Variants in ANO2 observed in about 807,000 individuals in gnomAD.
ANO2 encodes the protein anoctamin-2.
Under a neutral mutation model 124.2 loss-of-function variants are expected in ANO2, and 101 were observed. The ratio of observed to expected loss-of-function variants is 0.81; its 90% CI spans 0.69 to 0.96. ANO2 has a LOEUF of 0.96. Ranked by LOEUF, ANO2 falls within the 40% of genes least tolerant of loss-of-function variation. ANO2 has a pLI of 0.00. For synonymous variants in ANO2, 486 were observed against 482.5 expected (o/e 1.01, Z -0.09); for missense variants, 1,293 against 1,274.5 (o/e 1.01, Z -0.22).
intron 10 of ANO2, among the ~76,000 whole-genome samples, chr12:5,776,817 G>A (rs1952245164): frequency 6.6e-6 from 1 of 152,218 alleles, no homozygotes; most frequent in South Asian, 2.1e-4. Flanking sequence ...AGCAGAACTT[G>A]AGGGTTAAGT....
intron 3 of ANO2, among the ~76,000 whole-genome samples, chr12:5,902,024 C>T (rs189715386): frequency 7.8e-4 from 119 of 152,254 alleles, no homozygotes; most frequent in African/African-American, 2.7e-3. Context: ...ACTGCATGAG[C>T]GAGCAAAAGA....
At chr12:5,754,629 G>C (rs1951525807) in intron 10 of ANO2, among the ~76,000 whole-genome samples, 1 of 151,880 alleles carries the variant, frequency 6.6e-6, no homozygotes, top group African/African-American at 2.4e-5. Context: ...ATTTGTCATT[G>C]GTCTGTACAG....
At chr12:5,811,594 C>G (rs1953391668) in intron 7 of ANO2, among the ~76,000 whole-genome samples, 1 of 152,176 alleles carries the variant, frequency 6.6e-6, no homozygotes. Flanking sequence ...CATAAAAAAG[C>G]AACAATAACT....
chr12:5,843,791 C>T lies in ANO2; in HGVS notation c.633+10252G>A, dbSNP rs573177405. The stretch of plus-strand genomic sequence containing the variant: ...ACTCTGCTAGGGATCACAACCCAAA[C>T]AAGATGCTGGGCAGAGGAAGCATCA... On this transcript the variant is annotated intron_variant, in intron 4 of 24. Transcript: ENST00000682330. Among the ~76,000 whole-genome samples the T allele has an allele frequency of 1.5e-4, 23 of 152,296 alleles. No individual in the cohort carries two copies. The South Asian group carries it at 4.6e-3, about 30-fold the overall frequency.
chr12:5,837,216 AGGAGTGCAGCAACCACG>A (rs1954348823), intron 4 of ANO2, among the ~76,000 whole-genome samples: 2 of 149,584 alleles, frequency 1.3e-5, no homozygotes, highest in African/African-American at 4.9e-5. Flanking sequence ...CCACGGGGCC[AGGAGTGCAGCAACCACG>A]GGGCCAGGAG....
chr12:5,584,591 A>G (rs1215723934), intron 20 of ANO2, among the ~76,000 whole-genome samples: 1 of 152,206 alleles, frequency 6.6e-6, no homozygotes, highest in African/African-American at 2.4e-5. Context: ...ATGTAAGAGC[A>G]CAGCAGGGGA....
At chr12:5,822,745 G>A (rs1215994971) in intron 7 of ANO2, among the ~76,000 whole-genome samples, 2 of 152,188 alleles carry the variant, frequency 1.3e-5, no homozygotes, top group South Asian at 2.1e-4. Flanking sequence ...TATCCTGTAC[G>A]CAATGCTTCT....
chr12:5,587,902 C>T (rs187142977), intron 20 of ANO2, among the ~76,000 whole-genome samples: 8 of 152,262 alleles, frequency 5.3e-5, no homozygotes, highest in Admixed American at 4.6e-4. Flanking sequence ...GCCCAGGTTC[C>T]AGTTCAATTT....
intron 3 of ANO2, among the ~76,000 whole-genome samples, chr12:5,872,232 A>G (rs1937747637): frequency 1.3e-5 from 2 of 152,146 alleles, no homozygotes; most frequent in Admixed American, 1.3e-4. Flanking sequence ...TGTCCTGGGC[A>G]TCCAGAGAGC....
In ANO2 at chr12:5,908,486, GAA is replaced by G. The variant is rs1486501079; in HGVS notation, c.534+12552_534+12553del. ...ACTGCCCAGGGTGCTGGGCTGGACA[GAA>G]AGTCCAACTGCTGGCCACAGTGGAG... On this transcript the variant is annotated intron_variant, in intron 3 of 24. Coordinates refer to ENST00000682330, the MANE Select transcript of ANO2 (RefSeq NM_001364791.2). The surrounding 1 kb of genome is among the most constrained non-coding windows in gnomAD (Gnocchi z 4.7). 6.6e-6 allele frequency among the ~76,000 whole-genome samples: 1 copy of G among 152,248 alleles called. No individual in the cohort carries two copies. Among genetic ancestry groups the G allele is most frequent in the Admixed American group, 6.5e-5 (1 of 15,286 alleles).
upstream of ANO2, chr12:5,945,302 A>T: frequency 9.0e-7 from 1 of 1,116,356 alleles, no homozygotes; most frequent in Non-Finnish European, 1.1e-6. Context: ...ATCGCGGCTC[A>T]GCTCCGTCCC....
chr12:5,749,579 C>T (rs1482624041), intron 11 of ANO2, among the ~76,000 whole-genome samples: 1 of 152,192 alleles, frequency 6.6e-6, no homozygotes, highest in African/African-American at 2.4e-5. Flanking sequence ...TTCACTTAAT[C>T]TAGTTCAAGC....
intron 24 of ANO2, among the ~76,000 whole-genome samples, chr12:5,564,218 T>C (rs1389377612): frequency 6.6e-6 from 1 of 152,238 alleles, no homozygotes; most frequent in Non-Finnish European, 1.5e-5. Flanking sequence ...CTTGCCCCGA[T>C]TGGGTCTAGG....
intron 9 of ANO2, among the ~76,000 whole-genome samples, chr12:5,801,304 A>T (rs1438113749): frequency 6.6e-6 from 1 of 152,242 alleles, no homozygotes. Context: ...ATCATTCAGT[A>T]AAGGGTCATC....
chr12:5,768,806 C>A (rs1462683866), intron 10 of ANO2, among the ~76,000 whole-genome samples: 1 of 152,166 alleles, frequency 6.6e-6, no homozygotes, highest in Non-Finnish European at 1.5e-5. Flanking sequence ...TGGGTACGGG[C>A]CAGCAGACAC....
At chr12:5,692,028 T>C (rs1948966374) in intron 14 of ANO2, among the ~76,000 whole-genome samples, 1 of 152,256 alleles carries the variant, frequency 6.6e-6, no homozygotes, top group South Asian at 2.1e-4. Context: ...GTGGGTTTTA[T>C]GTGGGCGAGT....
intron 23 of ANO2, among the ~76,000 whole-genome samples, chr12:5,575,346 CTGATTTATAACAAT>C (rs1472404525): frequency 6.6e-6 from 1 of 152,202 alleles, no homozygotes; most frequent in African/African-American, 2.4e-5. Flanking sequence ...GTCATCAAAG[CTGATTTATAACAAT>C]TGATTTATAA....
chr12:5,652,446 T>G (rs969057389), intron 14 of ANO2, among the ~76,000 whole-genome samples: 17 of 152,264 alleles, frequency 1.1e-4, no homozygotes, highest in African/African-American at 4.1e-4. Context: ...TAACATAAAA[T>G]CTAATATTAC....
rs181833474 is a variant in ANO2, at chr12:5,939,503, G to A, written c.22+5693C>T. ...CACCTGTGGTATGCAGAAGTGTGAGGTGGGTTAAATCTGTTAGGTTGGTGG... is the reference window on the plus strand; with the variant it reads ...CACCTGTGGTATGCAGAAGTGTGAGATGGGTTAAATCTGTTAGGTTGGTGG... On this transcript the variant is annotated intron_variant, in intron 1 of 24. Coordinates refer to ENST00000682330, the MANE Select transcript of ANO2 (RefSeq NM_001364791.2). 2.5e-3 allele frequency among the ~76,000 whole-genome samples: 374 copies of A among 152,314 alleles called. 2 individuals are homozygous for A. The highest frequency in any genetic ancestry group is 8.5e-3 in the African/African-American group (352 of 41,570).
Sources: allele counts gnomAD v4.1 joint callset (sites outside exome capture counted in the v4.1 genomes callset), GRCh38; gene constraint gnomAD v4.1.1; non-coding constraint Gnocchi (gnomAD v3.1); transcripts MANE v1.5; gene names NCBI Gene and HGNC (gene_info 2026-07-23, HGNC 2026-07-21).